The following PIK3AP1 variants were observed in gnomAD, a reference collection of about 807,000 sequenced individuals.
The protein encoded by PIK3AP1 is phosphoinositide 3-kinase adapter protein 1.
In PIK3AP1, 21 loss-of-function variants were observed where a neutral mutation model predicts 88.1. That is an observed-to-expected ratio of 0.24 (90% CI 0.17 to 0.34). PIK3AP1 has a LOEUF of 0.34. Among genes scored for constraint, PIK3AP1 ranks in the 10% least tolerant of loss-of-function variants. The pLI is 1.00. For missense variants in PIK3AP1, 828 were observed against 1,035.7 expected (o/e 0.80, Z 2.75); for synonymous variants, 398 against 400.0 (o/e 1.00, Z 0.06).
chr10:96,701,342 G>A (rs551897698), intron 2 of PIK3AP1, among the ~76,000 whole-genome samples: 1 of 152,330 alleles, frequency 6.6e-6, no homozygotes, highest in Admixed American at 6.5e-5. Flanking sequence ...AAGGCCAAGT[G>A]TAAGCTTTCT....
rs189095208 is a variant in PIK3AP1 at position 96,715,633 on chromosome 10, G to A, written c.13+4749C>T. ...AGGCTGGGCGCGGTGGCTCATGCCT[G>A]TAATCCTAGCACTCTGGGAGGCCAA... is the stretch of plus-strand genomic sequence containing the variant. On this transcript the variant is annotated intron_variant, in intron 1 of 16. Coordinates refer to ENST00000339364, the MANE Select transcript of PIK3AP1 (RefSeq NM_152309.3). 5.2e-3 allele frequency among the ~76,000 whole-genome samples: 796 copies of A among 152,314 alleles called. 3 individuals carry two copies. The highest frequency in any genetic ancestry group is 0.017 in the Middle Eastern group (5 of 294).
intron 2 of PIK3AP1, among the ~76,000 whole-genome samples, chr10:96,661,843 A>AAGGG (rs1389876035): frequency 3.6e-4 from 47 of 129,686 alleles, no homozygotes; most frequent in African/African-American, 1.3e-3. Context: ...AGGAAAGGGA[A>AAGGG]AAGGGAAAGG....
rs558620604 is a variant in PIK3AP1, at chr10:96,661,533, T to C, written c.431-4599A>G. On this transcript the variant is annotated intron_variant, in intron 2 of 16. Transcript: ENST00000339364. ...GATGTTGATGGGGGTGGGAGGAGGC[T>C]GTGTGTACATAGGGGCAGAGCAGAC... is the stretch of plus-strand genomic sequence containing the variant. Among the ~76,000 whole-genome samples, 19 of 152,302 alleles carry C rather than the reference T, an allele frequency of 1.2e-4. 1 individual carries two copies. In the East Asian group the frequency reaches 3.7e-3, roughly 29 times the overall value.
intron 13 of PIK3AP1, among the ~76,000 whole-genome samples, chr10:96,613,302 A>G (rs946420375): frequency 6.6e-6 from 1 of 152,044 alleles, no homozygotes; most frequent in Non-Finnish European, 1.5e-5. Flanking sequence ...CCCAGCCTGA[A>G]TTATGCACTT....
At chr10:96,652,038 C>A (rs939653535) in intron 4 of PIK3AP1, among the ~76,000 whole-genome samples, 1 of 151,976 alleles carries the variant, frequency 6.6e-6, no homozygotes, top group Non-Finnish European at 1.5e-5. Flanking sequence ...TGTGTTTCTG[C>A]CACATTGGGG....
chr10:96,662,742 C>T (rs1183290697), intron 2 of PIK3AP1, among the ~76,000 whole-genome samples: 1 of 149,732 alleles, frequency 6.7e-6, no homozygotes. Flanking sequence ...ATTAGCCGGG[C>T]GCGGTGGCGG....
At chr10:96,616,467 A>C (rs1483767693) in intron 13 of PIK3AP1, among the ~76,000 whole-genome samples, 172 bp downstream of exon 13, 3 of 152,232 alleles carry the variant, frequency 2.0e-5, no homozygotes, top group Non-Finnish European at 4.4e-5. Context: ...TAAATAAGAT[A>C]TAACCATTGT....
At chr10:96,682,041 AG>A (rs1327852021) in intron 2 of PIK3AP1, among the ~76,000 whole-genome samples, 1 of 151,342 alleles carries the variant, frequency 6.6e-6, no homozygotes, top group African/African-American at 2.4e-5. Flanking sequence ...GAGAGAAACA[AG>A]GGGGGGATGC....
At chr10:96,644,316 G>A (rs555973374) in intron 8 of PIK3AP1, among the ~76,000 whole-genome samples, 2 of 152,110 alleles carry the variant, frequency 1.3e-5, no homozygotes, top group Non-Finnish European at 2.9e-5. Flanking sequence ...TAAAAAGTAC[G>A]TATGATACAT....
intron 3 of PIK3AP1, 58 bp from the exon 4 acceptor site, chr10:96,652,900 G>A: frequency 6.4e-7 from 1 of 1,573,790 alleles, no homozygotes; most frequent in Non-Finnish European, 8.6e-7. Context: ...TAGGGTGTTG[G>A]GCCCAAGGGT....
At chr10:96,629,243 A>G (rs1843204487) in intron 8 of PIK3AP1, among the ~76,000 whole-genome samples, 1 of 152,140 alleles carries the variant, frequency 6.6e-6, no homozygotes, top group Non-Finnish European at 1.5e-5. Context: ...AAGGCCTACA[A>G]AAATATAGTA....
At chr10:96,684,578 G>T (rs1844044773) in intron 2 of PIK3AP1, among the ~76,000 whole-genome samples, 1 of 152,248 alleles carries the variant, frequency 6.6e-6, no homozygotes, top group African/African-American at 2.4e-5. Context: ...ATGCCACTGA[G>T]TTACTGGAGA....
intron 8 of PIK3AP1, among the ~76,000 whole-genome samples, chr10:96,630,407 T>C (rs942548980): frequency 7.9e-5 from 12 of 152,248 alleles, no homozygotes; most frequent in Non-Finnish European, 2.9e-5. Context: ...GCATTCATTA[T>C]TTTAAACATA....
At chr10:96,666,114 T>C (rs1395866161) in intron 2 of PIK3AP1, among the ~76,000 whole-genome samples, 1 of 152,026 alleles carries the variant, frequency 6.6e-6, no homozygotes, top group African/African-American at 2.4e-5. Flanking sequence ...CTATAGAACA[T>C]ACAAATAAAA....
chr10:96,653,526 A>C (rs1843572903), intron 3 of PIK3AP1, among the ~76,000 whole-genome samples: 1 of 109,458 alleles, frequency 9.1e-6, no homozygotes, highest in Admixed American at 1.4e-4. Context: ...TCACTCTGTC[A>C]CCCAGGCTGC....
intron 14 of PIK3AP1, 138 bp from the exon 15 acceptor site, chr10:96,604,187 A>G: frequency 1.4e-6 from 1 of 703,850 alleles, no homozygotes; most frequent in South Asian, 2.0e-5. Context: ...AACTTTGGCC[A>G]TCTTATACTT....
chr10:96,667,362 GA>G (rs1843778333), intron 2 of PIK3AP1, among the ~76,000 whole-genome samples: 1 of 152,224 alleles, frequency 6.6e-6, no homozygotes, highest in African/African-American at 2.4e-5. Flanking sequence ...TAAGCCTTGA[GA>G]AATGCATAAA....
chr10:96,696,592 G>C (rs1028952675), intron 2 of PIK3AP1, among the ~76,000 whole-genome samples: 2 of 152,166 alleles, frequency 1.3e-5, no homozygotes, highest in Non-Finnish European at 2.9e-5. Flanking sequence ...AACCCATTCT[G>C]TAATGCATAT....
At chr10:96,718,305 T>C (rs538609189) in intron 1 of PIK3AP1, among the ~76,000 whole-genome samples, 20 of 152,326 alleles carry the variant, frequency 1.3e-4, no homozygotes, top group Non-Finnish European at 2.5e-4. Context: ...GGCATGTGAA[T>C]TATATCACAA....
Sources: allele counts gnomAD v4.1 joint callset (sites outside exome capture counted in the v4.1 genomes callset), GRCh38; gene constraint gnomAD v4.1.1; transcripts MANE v1.5; gene names NCBI Gene and HGNC (gene_info 2026-07-23, HGNC 2026-07-21).